The following GABRA4 variants were observed in gnomAD, a reference collection of about 807,000 sequenced individuals.
GABRA4 encodes gamma-aminobutyric acid receptor subunit alpha-4.
Under a neutral mutation model 49.7 loss-of-function variants are expected in GABRA4, and 12 were observed. That is an observed-to-expected ratio of 0.24 (90% CI 0.15 to 0.39). The LOEUF (loss-of-function observed/expected upper bound fraction) is 0.39. GABRA4 is among the 10% of genes least tolerant of loss of function. The probability of loss-of-function intolerance (pLI) is 1.00; values close to 1 mark genes in which losing one functional copy is unlikely to be tolerated. For missense variants in GABRA4, 506 were observed against 686.0 expected, an observed-to-expected ratio of 0.74 and a Z score of 2.93; for synonymous variants, 288 against 240.2, an observed-to-expected ratio of 1.20 and a Z score of -1.84.
At chr4:46,938,623 CA>C (rs1467612785) in intron 8 of GABRA4, among the ~76,000 whole-genome samples, 13 of 152,052 alleles carry the variant, frequency 8.5e-5, no homozygotes. Flanking sequence ...ATTCCAATTT[CA>C]ATTTCTTTGG....
chr4:46,986,617 C>T (rs1723550352), intron 2 of GABRA4, among the ~76,000 whole-genome samples: 1 of 152,004 alleles, frequency 6.6e-6, no homozygotes, highest in African/African-American at 2.4e-5. Flanking sequence ...AAACTTAATC[C>T]CCTGTAATCT....
In GABRA4 at chr4:46,926,099, AAC is replaced by A. The variant is rs1721221347; in HGVS notation, c.*2124_*2125del. ...AAACAACAACAACAACAACAACAAC[AAC>A]AACAAAACCAGCCTTTTCATCAGAA... is the stretch of plus-strand genomic sequence containing the variant. On this transcript the variant is annotated 3_prime_UTR_variant, in exon 9 of 9. Transcript: ENST00000264318. 6.6e-6 allele frequency: 1 copy of A among 151,806 alleles called. No homozygotes were observed. The highest frequency in any genetic ancestry group is 2.4e-5 in the African/African-American group (1 of 41,372). The allele number at this position is 151,806 out of a possible 1,614,324, so 9.4% of individuals were successfully genotyped here. A position where few individuals can be genotyped will look rare whatever the true frequency, so the allele number is the denominator to read the frequency against.
In GABRA4 at chr4:46,965,132, A is replaced by T; in HGVS notation, c.972T>A (p.Ala324=). 1.2e-6 allele frequency: 2 copies of T among 1,612,208 alleles called. No homozygotes were observed. The highest frequency in any genetic ancestry group is 2.2e-5 in the East Asian group (1 of 44,804). ...SYATAMDWFI[A]VCFAFVFSAL... ...CCGAAAATACAAAAGCAAAGCAGAC[A>T]GCTATGAACCAGTCCATGGCGGTAG... The change falls in exon 8 of 9, where the codon GCT becomes GCA. Residue 324 remains alanine, a synonymous_variant. Coordinates refer to ENST00000264318, the MANE Select transcript of GABRA4 (RefSeq NM_000809.4).
At chr4:46,961,241 G>C (rs757193380) in intron 8 of GABRA4, among the ~76,000 whole-genome samples, 20 of 151,864 alleles carry the variant, frequency 1.3e-4, no homozygotes, top group Non-Finnish European at 2.4e-4. Context: ...TGTAGGAGCA[G>C]AGCTATAAAT....
At chr4:46,964,238 G>A (rs1267918319) in intron 8 of GABRA4, among the ~76,000 whole-genome samples, 10 of 151,772 alleles carry the variant, frequency 6.6e-5, no homozygotes, top group Admixed American at 6.6e-5. Context: ...AACATAGAGG[G>A]TAAAATGATG....
chr4:46,968,528 C>T (rs896888991), intron 7 of GABRA4, among the ~76,000 whole-genome samples: 1 of 151,522 alleles, frequency 6.6e-6, no homozygotes, highest in Non-Finnish European at 1.5e-5. Context: ...CTTGGGTCCA[C>T]CAATTACAAT....
At chr4:46,930,386 C>G (rs575070900) in intron 8 of GABRA4, among the ~76,000 whole-genome samples, 1 of 152,046 alleles carries the variant, frequency 6.6e-6, no homozygotes, top group South Asian at 2.1e-4. Context: ...TAGTAATTAA[C>G]TGATTATCAT....
intron 8 of GABRA4, among the ~76,000 whole-genome samples, chr4:46,933,224 A>G (rs1721502544): frequency 6.6e-6 from 1 of 152,150 alleles, no homozygotes; most frequent in Non-Finnish European, 1.5e-5. Context: ...ATTAATGCAC[A>G]CAGTAGGCAC....
intron 8 of GABRA4, among the ~76,000 whole-genome samples, chr4:46,937,061 T>C (rs1392695894): frequency 6.6e-6 from 1 of 152,192 alleles, no homozygotes; most frequent in Non-Finnish European, 1.5e-5. Context: ...GACAAGACCT[T>C]TAAGGAGGTG....
In GABRA4 at chr4:46,919,515, C is replaced by T. The variant is rs1001918137; in HGVS notation, c.*8710G>A. ...TTATAAATATCACACTTTATATTTA[C>T]TATTCTAATTGAGCAAGAATATTGA... is the stretch of plus-strand genomic sequence containing the variant. On this transcript the variant is annotated 3_prime_UTR_variant, in exon 9 of 9. Transcript: ENST00000264318. The T allele has an allele frequency of 6.6e-6, 1 of 151,480 alleles. No individual in the cohort carries two copies. The highest frequency in any genetic ancestry group is 1.5e-5 in the Non-Finnish European group (1 of 67,578). 9.4% of individuals were successfully genotyped at this position (151,480 alleles called of 1,614,324 possible).
rs1412853820 is a variant in GABRA4 at position 46,925,151 on chromosome 4, T to C, written c.*3074A>G. 1 of 151,958 alleles carries C rather than the reference T, an allele frequency of 6.6e-6. No individual in the cohort carries two copies. Among genetic ancestry groups the C allele is most frequent in the African/African-American group, 2.4e-5 (1 of 41,428 alleles). The allele number at this position is 151,958 out of a possible 1,614,324, so 9.4% of individuals were successfully genotyped here. On this transcript the variant is annotated 3_prime_UTR_variant, in exon 9 of 9. Transcript: ENST00000264318. Reference sequence around the variant, plus strand: ...CTTTTAAGGTGAGATTATTGAAAAATGACCTTTCAAAGTTCTTTCCAACCC... The same window carrying C: ...CTTTTAAGGTGAGATTATTGAAAAACGACCTTTCAAAGTTCTTTCCAACCC...
At chr4:46,942,807 T>C (rs765505956) in intron 8 of GABRA4, among the ~76,000 whole-genome samples, 8 of 152,048 alleles carry the variant, frequency 5.3e-5, no homozygotes, top group Middle Eastern at 3.2e-3. Flanking sequence ...TATTTTTCCA[T>C]AGGGTTTAGC....
intron 8 of GABRA4, among the ~76,000 whole-genome samples, chr4:46,947,835 A>G (rs1379056754): frequency 6.6e-6 from 1 of 152,022 alleles, no homozygotes; most frequent in African/African-American, 2.4e-5. Context: ...AAGCAACAGC[A>G]ATCATTTTAA....
rs982908634 is a variant in GABRA4 at position 46,921,163 on chromosome 4, T to C, written c.*7062A>G. 1 of 151,386 alleles carries C rather than the reference T, an allele frequency of 6.6e-6. No individual in the cohort carries two copies. The highest frequency in any genetic ancestry group is 1.5e-5 in the Non-Finnish European group (1 of 67,706). 9.4% of individuals were successfully genotyped at this position (151,386 alleles called of 1,614,324 possible). On this transcript the variant is annotated 3_prime_UTR_variant, in exon 9 of 9. Transcript: ENST00000264318. ...TTTTTTTAACGGAAGTAATTAGTGG[T>C]AGAGAAAAGCTATTAAGAAACCATA...
intron 8 of GABRA4, among the ~76,000 whole-genome samples, chr4:46,947,040 T>C (rs1359782843): frequency 2.0e-5 from 3 of 151,936 alleles, no homozygotes; most frequent in Admixed American, 6.6e-5. Context: ...TTTGTTTCCA[T>C]AGGAAACAGT....
At chr4:46,976,742 T>C (rs547062997) in intron 5 of GABRA4, among the ~76,000 whole-genome samples, 1 of 151,726 alleles carries the variant, frequency 6.6e-6, no homozygotes, top group Non-Finnish European at 1.5e-5. Flanking sequence ...TTTATCTATA[T>C]AATTTGTACT....
In GABRA4 at chr4:46,993,570, C is replaced by G; in HGVS notation, c.-146G>C. ...GCCCGCGCTCAGCCAGCCCGAGCCG[C>G]GGTGGGCGTGTGTGTGCACGGGGCC... On this transcript the variant is annotated 5_prime_UTR_variant, in exon 1 of 9. Coordinates refer to ENST00000264318, the MANE Select transcript of GABRA4 (RefSeq NM_000809.4). 1.3e-6 allele frequency: 1 copy of G among 788,116 alleles called. No homozygotes were observed. The highest frequency in any genetic ancestry group is 2.2e-5 in the Admixed American group (1 of 45,632). 48.8% of individuals were successfully genotyped at this position (788,116 alleles called of 1,614,324 possible). A position where few individuals can be genotyped will look rare whatever the true frequency, so the allele number is the denominator to read the frequency against.
At chr4:46,951,795 C>CGTGTGTGT (rs4032300) in intron 8 of GABRA4, among the ~76,000 whole-genome samples, 1 of 149,066 alleles carries the variant, frequency 6.7e-6, no homozygotes, top group Non-Finnish European at 1.5e-5. Flanking sequence ...TATGTGTGTA[C>CGTGTGTGT]GTGTGTGTGT....
At chr4:46,972,110 G>A (rs1560478460) in intron 6 of GABRA4, among the ~76,000 whole-genome samples, 1 of 151,514 alleles carries the variant, frequency 6.6e-6, no homozygotes, top group Non-Finnish European at 1.5e-5. Context: ...GAAAATAAAT[G>A]CCCTTCCAAA....
Sources: gnomAD v4.1 joint callset for allele counts (sites outside exome capture counted in the v4.1 genomes callset) on GRCh38, gnomAD v4.1.1 for gene constraint, MANE v1.5 for transcripts, NCBI Gene and HGNC (gene_info 2026-07-23, HGNC 2026-07-21) for gene names.